Variants in ACO2 observed in about 807,000 individuals in gnomAD.
ACO2 encodes the protein aconitate hydratase, mitochondrial.
In ACO2, 31 loss-of-function variants were observed where a neutral mutation model predicts 84.5. The observed-to-expected ratio is 0.37, with a 90% confidence interval of 0.28 to 0.50. The LOEUF (loss-of-function observed/expected upper bound fraction) is 0.50. Ranked by LOEUF, ACO2 falls within the 20% of genes least tolerant of loss-of-function variation. The probability of loss-of-function intolerance (pLI) is 0.97; values close to 1 mark genes in which losing one functional copy is unlikely to be tolerated. For synonymous variants in ACO2, 414 were observed against 412.7 expected (o/e 1.00, Z -0.04); for missense variants, 685 against 1,029.3 (o/e 0.67, Z 4.58).
At chr22:41,523,988 C>A in intron 12 of ACO2, 47 bp downstream of exon 12, 1 of 1,562,084 alleles carries the variant, frequency 6.4e-7, no homozygotes, top group Non-Finnish European at 8.8e-7. Flanking sequence ...CTCTGGGGGT[C>A]CCTGGCGGGT....
At chr22:41,479,692 CA>C (rs1197650991) in intron 1 of ACO2, among the ~76,000 whole-genome samples, 1 of 152,172 alleles carries the variant, frequency 6.6e-6, no homozygotes, top group Non-Finnish European at 1.5e-5. Flanking sequence ...GTGGGTTGCA[CA>C]GAGGCAGCTT....
intron 1 of ACO2, among the ~76,000 whole-genome samples, chr22:41,470,011 AGTAC>A (rs959176025): frequency 8.5e-5 from 13 of 152,326 alleles, no homozygotes; most frequent in Non-Finnish European, 1.3e-4. Flanking sequence ...GTCAGAATGC[AGTAC>A]GAATATTTTG....
intron 2 of ACO2, among the ~76,000 whole-genome samples, chr22:41,504,672 G>A (rs1424732971): frequency 2.2e-5 from 3 of 138,632 alleles, no homozygotes; most frequent in African/African-American, 8.1e-5. Flanking sequence ...AGAGTTGCCA[G>A]TTGGTCTGCT....
At chr22:41,477,988 T>C (rs1359817555) in intron 1 of ACO2, among the ~76,000 whole-genome samples, 1 of 151,198 alleles carries the variant, frequency 6.6e-6, no homozygotes, top group Non-Finnish European at 1.5e-5. Flanking sequence ...TCGCTTGAAC[T>C]CAGGAAGCAG....
Position 41,502,549 on chromosome 22 carries a change from TC to T in ACO2, c.173+2689del, listed in dbSNP as rs1263418002. The stretch of plus-strand genomic sequence containing the variant: ...ATTTTTCTTTACTCTGTAAAACACT[TC>T]CACCTTGCTTTCATCAGGTATGAAG... On this transcript the variant is annotated intron_variant, in intron 2 of 17. Transcript: ENST00000216254. Among the ~76,000 whole-genome samples the T allele has an allele frequency of 1.1e-4, 16 of 152,310 alleles. No homozygotes were observed. The East Asian group carries it at 2.3e-3, about 22-fold the overall frequency.
intron 1 of ACO2, among the ~76,000 whole-genome samples, chr22:41,496,780 G>A (rs965478265): frequency 1.3e-5 from 2 of 152,170 alleles, no homozygotes. Context: ...GTGAAGTCTG[G>A]ACTGGGGATG....
rs58996446 is a variant in ACO2 at position 41,511,929 on chromosome 22, C to T, written c.486C>T (p.Gly162=). The change falls in exon 4 of 18, where the codon GGC becomes GGT. Residue 162 remains glycine, a synonymous_variant. Coordinates refer to ENST00000216254, the MANE Select transcript of ACO2 (RefSeq NM_001098.3). Reference sequence around the variant, plus strand: ...TGGCAACTGCAGGTGCCAAATATGGCGTGGGCTTCTGGAAGCCTGGATCTG... The same window carrying T: ...TGGCAACTGCAGGTGCCAAATATGGTGTGGGCTTCTGGAAGCCTGGATCTG... ...NFLATAGAKY[G]VGFWKPGSGI... 3,218 of 1,610,894 alleles carry T rather than the reference C, an allele frequency of 2.0e-3. 51 individuals carry two copies. The African/African-American group carries it at 0.034, about 17-fold the overall frequency.
intron 1 of ACO2, chr22:41,469,413 C>A: frequency 2.1e-6 from 1 of 473,504 alleles, no homozygotes; most frequent in Non-Finnish European, 3.7e-6. Context: ...AGCGTGGGCC[C>A]AAGCAGCGGC....
At chr22:41,527,096 G>A (rs968019101) in intron 15 of ACO2, 192 bp from the exon 16 acceptor site, 7 of 759,810 alleles carry the variant, frequency 9.2e-6, no homozygotes, top group African/African-American at 1.8e-5. Flanking sequence ...TCCCCTCGGG[G>A]CCTCGTTTGG....
chr22:41,491,288 T>A (rs1297526661), intron 1 of ACO2, among the ~76,000 whole-genome samples: 1 of 152,066 alleles, frequency 6.6e-6, no homozygotes, highest in Non-Finnish European at 1.5e-5. Flanking sequence ...ACCAGATAGA[T>A]GAGATCCCAC....
At chr22:41,496,534 G>T (rs1213690684) in intron 1 of ACO2, among the ~76,000 whole-genome samples, 1 of 152,184 alleles carries the variant, frequency 6.6e-6, no homozygotes, top group East Asian at 1.9e-4. Context: ...TCAGTAAGTT[G>T]TGGGGCCATC....
At chr22:41,471,883 T>G (rs1482728813) in intron 1 of ACO2, among the ~76,000 whole-genome samples, 1 of 152,192 alleles carries the variant, frequency 6.6e-6, no homozygotes, top group Non-Finnish European at 1.5e-5. Flanking sequence ...AGCCTAGATT[T>G]GAATACCGTA....
Position 41,486,497 on chromosome 22 carries a change from G to A in ACO2, c.37-13229G>A, listed in dbSNP as rs2038158634. 1.4e-5 allele frequency among the ~76,000 whole-genome samples: 2 copies of A among 147,638 alleles called. 1 individual carries two copies. Among genetic ancestry groups the A allele is most frequent in the Middle Eastern group, 6.4e-3 (2 of 314 alleles). On this transcript the variant is annotated intron_variant, in intron 1 of 17. Transcript: ENST00000216254. ...TTTTTTTTTTTTTTTTTGAGACGGA[G>A]TCTTACTCTGTCGCCCAGGCTGGAG...
intron 1 of ACO2, among the ~76,000 whole-genome samples, chr22:41,488,756 G>A (rs995469063): frequency 1.3e-5 from 2 of 152,166 alleles, no homozygotes; most frequent in Non-Finnish European, 2.9e-5. Context: ...TGACATTGCT[G>A]TGCTTTCCTC....
chr22:41,521,467 G>T (rs2066526101), intron 9 of ACO2: 1 of 152,218 alleles, frequency 6.6e-6, no homozygotes, highest in Admixed American at 6.5e-5. Flanking sequence ...CTATGTGTGG[G>T]TTCCCCATCT....
intron 1 of ACO2, among the ~76,000 whole-genome samples, chr22:41,473,452 C>T (rs990052124): frequency 1.3e-5 from 2 of 152,074 alleles, no homozygotes; most frequent in Middle Eastern, 3.2e-3. Context: ...TGCAGTGAAC[C>T]GAGATCACGC....
Position 41,518,519 on chromosome 22 carries a change from G to C in ACO2, c.979G>C (p.Val327Leu), listed in dbSNP as rs757166077. 1.2e-6 allele frequency: 2 copies of C among 1,613,944 alleles called. No homozygotes were observed. Among genetic ancestry groups the C allele is most frequent in the South Asian group, 2.2e-5 (2 of 91,068 alleles). ...AGCTGATGAATTCAAGGATCACTTG[G>C]TGCCTGACCCTGGCTGCCATTATGA... is the stretch of plus-strand genomic sequence containing the variant. ...NLADEFKDHL[V>L]PDPGCHYDQL... The change falls in exon 8 of 18, where the codon GTG (valine) becomes CTG (leucine). Residue 327 changes from valine to leucine, a missense_variant. By Grantham distance (32) the Val-to-Leu change is conservative (BLOSUM62 1). Transcript: ENST00000216254.
intron 1 of ACO2, among the ~76,000 whole-genome samples, chr22:41,491,319 A>C (rs1359381759): frequency 6.6e-6 from 1 of 152,178 alleles, no homozygotes; most frequent in Non-Finnish European, 1.5e-5. Flanking sequence ...CCATGAGCAG[A>C]AGGGGTTTGA....
At chr22:41,510,250 G>A (rs898060946) in intron 3 of ACO2, among the ~76,000 whole-genome samples, 5 of 152,188 alleles carry the variant, frequency 3.3e-5, no homozygotes, top group African/African-American at 4.8e-5. Context: ...AGTCCAGGCC[G>A]AGACTCTGGC....
Sources: allele counts gnomAD v4.1 joint callset (sites outside exome capture counted in the v4.1 genomes callset), GRCh38; gene constraint gnomAD v4.1.1; transcripts MANE v1.5; gene names NCBI Gene and HGNC (gene_info 2026-07-23, HGNC 2026-07-21).